The following KRAS variants were observed in gnomAD, a reference collection of about 807,000 sequenced individuals.
KRAS encodes KRas proto-oncogene, GTPase, also known as GTPase KRas.
Under a neutral mutation model 21.0 loss-of-function variants are expected in KRAS, and 1 was observed. The ratio of observed to expected loss-of-function variants is 0.05; its 90% CI spans 0.02 to 0.23. The LOEUF (loss-of-function observed/expected upper bound fraction) is 0.23, where lower values mean the gene tolerates loss of function less well. Ranked by LOEUF, KRAS falls within the 10% of genes least tolerant of loss-of-function variation. KRAS has a pLI of 1.00. For missense variants in KRAS, 107 were observed against 221.8 expected (o/e 0.48, Z 3.29); for synonymous variants, 67 against 72.5 (o/e 0.92, Z 0.39).
At chr12:25,230,828 T>TG (rs1353423357) in intron 2 of KRAS, among the ~76,000 whole-genome samples, 10 of 152,186 alleles carry the variant, frequency 6.6e-5, no homozygotes, top group African/African-American at 2.4e-4. Flanking sequence ...AAAAAAAAGA[T>TG]GGATATTTAT....
chr12:25,207,747 G>A lies in KRAS; in HGVS notation c.*2048C>T, dbSNP rs1951154176. 1 of 232,710 alleles carries A rather than the reference G, an allele frequency of 4.3e-6. No homozygotes were observed. 14.4% of individuals were successfully genotyped at this position (232,710 alleles called of 1,614,324 possible). On this transcript the variant is annotated 3_prime_UTR_variant, in exon 5 of 5. Coordinates refer to ENST00000311936, the MANE Select transcript of KRAS (RefSeq NM_004985.5). ...TCGCTAATGGATTGGGCAGCAAAGA[G>A]ATGTTCAAAGCATCAGCCACCACCT...
chr12:25,248,740 G>A (rs1425490343), intron 1 of KRAS, among the ~76,000 whole-genome samples: 2 of 151,914 alleles, frequency 1.3e-5, no homozygotes, highest in Non-Finnish European at 2.9e-5. Flanking sequence ...CCGAGAGTTA[G>A]AAAAGCTAGT....
At chr12:25,215,479 G>A (rs374681135) in intron 4 of KRAS, 9 of 1,611,328 alleles carry the variant, frequency 5.6e-6, no homozygotes, top group African/African-American at 1.3e-5. Flanking sequence ...ACACAGCCAG[G>A]AGTCTTTTCT....
chr12:25,244,973 A>C (rs1403900816), intron 2 of KRAS, among the ~76,000 whole-genome samples: 2 of 152,186 alleles, frequency 1.3e-5, no homozygotes, highest in East Asian at 3.8e-4. Context: ...AGTTACAATA[A>C]AAAGATTGTC....
Position 25,205,629 on chromosome 12 carries a change from A to AGAC in KRAS, c.*4163_*4165dup, listed in dbSNP as rs1262561979. The AGAC allele has an allele frequency of 8.9e-6, 2 of 224,018 alleles. No homozygotes were observed. The highest frequency in any genetic ancestry group is 1.8e-5 in the Non-Finnish European group (2 of 112,042). 13.9% of individuals were successfully genotyped at this position (224,018 alleles called of 1,614,324 possible). On this transcript the variant is annotated 3_prime_UTR_variant, in exon 5 of 5. Coordinates refer to ENST00000311936, the MANE Select transcript of KRAS (RefSeq NM_004985.5). ...AAAGTATTTTCAACATGAAAACACAAGACAGTGGAATTGGAAACTTTCGGA... is the reference window on the plus strand; with the variant it reads ...AAAGTATTTTCAACATGAAAACACAAGACGACAGTGGAATTGGAAACTTTCGGA...
intron 1 of KRAS, among the ~76,000 whole-genome samples, chr12:25,249,816 T>A (rs1350575201): frequency 6.6e-6 from 1 of 152,106 alleles, no homozygotes; most frequent in African/African-American, 2.4e-5. Flanking sequence ...CAAGAACAGG[T>A]AAATTAAACT....
At chr12:25,247,357 G>A (rs1340479146) in intron 1 of KRAS, among the ~76,000 whole-genome samples, 3 of 152,150 alleles carry the variant, frequency 2.0e-5, no homozygotes, top group Non-Finnish European at 4.4e-5. Flanking sequence ...AAGCACCACA[G>A]GCTAGAAAAA....
rs968250008 is a variant in KRAS, at chr12:25,208,371, A to G, written c.*1424T>C. On this transcript the variant is annotated 3_prime_UTR_variant, in exon 5 of 5. Coordinates refer to ENST00000311936, the MANE Select transcript of KRAS (RefSeq NM_004985.5). ...GTAACATTTTAAATTTATCAAAAGG[A>G]TTGTTTTTATTTTTATTTTAAAGCA... The G allele has an allele frequency of 1.3e-5, 3 of 232,856 alleles. No homozygotes were observed. The highest frequency in any genetic ancestry group is 6.6e-5 in the African/African-American group (3 of 45,256). The allele number at this position is 232,856 out of a possible 1,614,324, so 14.4% of individuals were successfully genotyped here.
rs1951166214 is a variant in KRAS at position 25,208,489 on chromosome 12, T to G, written c.*1306A>C. Reference sequence around the variant, plus strand: ...AGCCAAACCTAGAGATTGTAAAACTTTTTCACTTCATTGTTTAAAAAAAAA... The same window carrying G: ...AGCCAAACCTAGAGATTGTAAAACTGTTTCACTTCATTGTTTAAAAAAAAA... On this transcript the variant is annotated 3_prime_UTR_variant, in exon 5 of 5. Transcript: ENST00000311936. 2 of 233,170 alleles carry G rather than the reference T, an allele frequency of 8.6e-6. No individual in the cohort carries two copies. The highest frequency in any genetic ancestry group is 1.2e-4 in the East Asian group (2 of 16,444). 14.4% of individuals were successfully genotyped at this position (233,170 alleles called of 1,614,324 possible).
In KRAS at chr12:25,244,855, C is replaced by T. The variant is rs61759636; in HGVS notation, c.111+419G>A. 7.0e-3 allele frequency among the ~76,000 whole-genome samples: 1,063 copies of T among 152,132 alleles called. 7 individuals are homozygous for T. The highest frequency in any genetic ancestry group is 0.024 in the African/African-American group (989 of 41,496). On this transcript the variant is annotated intron_variant, in intron 2 of 4. Coordinates refer to ENST00000311936, the MANE Select transcript of KRAS (RefSeq NM_004985.5). ...TTGAGAAGAAGATAGGAAAATACTG[C>T]TGATGAAGTTTAAAAAAATCAACCA...
intron 2 of KRAS, among the ~76,000 whole-genome samples, chr12:25,232,925 A>G (rs1951492969): frequency 6.6e-6 from 1 of 152,324 alleles, no homozygotes; most frequent in East Asian, 1.9e-4. Context: ...ATAGCCTTTG[A>G]CATAGTAATG....
intron 4 of KRAS, among the ~76,000 whole-genome samples, chr12:25,224,426 A>G (rs988139284): frequency 6.6e-5 from 10 of 152,130 alleles, no homozygotes; most frequent in African/African-American, 2.2e-4. Flanking sequence ...AAAAAGTTTA[A>G]TAAGTAAAAA....
chr12:25,231,382 C>T (rs767316101), intron 2 of KRAS, among the ~76,000 whole-genome samples: 6 of 152,272 alleles, frequency 3.9e-5, no homozygotes, highest in African/African-American at 7.2e-5. Flanking sequence ...CGCGCCCAGC[C>T]TGTCACCTCA....
chr12:25,220,556 G>A (rs535471473), intron 4 of KRAS, among the ~76,000 whole-genome samples: 4 of 152,022 alleles, frequency 2.6e-5, no homozygotes, highest in South Asian at 2.1e-4. Flanking sequence ...GTGAAACCCC[G>A]TCTCTACTAA....
Position 25,208,038 on chromosome 12 carries a change from C to T in KRAS, c.*1757G>A, listed in dbSNP as rs2141479359. On this transcript the variant is annotated 3_prime_UTR_variant, in exon 5 of 5. Coordinates refer to ENST00000311936, the MANE Select transcript of KRAS (RefSeq NM_004985.5). ...AGAATGGATATTCAAATATAAACTT[C>T]ACCTCTTGCACAATTTTGCCCAAGA... 4.3e-6 allele frequency: 1 copy of T among 233,350 alleles called. No homozygotes were observed. The highest frequency in any genetic ancestry group is 1.8e-4 in the South Asian group (1 of 5,528). The allele number at this position is 233,350 out of a possible 1,614,324, so 14.5% of individuals were successfully genotyped here.
At chr12:25,213,818 T>C (rs938309281) in intron 4 of KRAS, among the ~76,000 whole-genome samples, 14 of 152,354 alleles carry the variant, frequency 9.2e-5, no homozygotes, top group African/African-American at 3.1e-4. Flanking sequence ...AACTTTATGA[T>C]ACCTAGTGAA....
chr12:25,228,655 T>C (rs1477274094), intron 2 of KRAS, among the ~76,000 whole-genome samples: 1 of 152,036 alleles, frequency 6.6e-6, no homozygotes, highest in Middle Eastern at 3.2e-3. Flanking sequence ...AATTCTAATT[T>C]GGGATGATAA....
chr12:25,209,139 G>A lies in KRAS; in HGVS notation c.*656C>T. 1.6e-6 allele frequency: 1 copy of A among 613,226 alleles called. No individual in the cohort carries two copies. Among genetic ancestry groups the A allele is most frequent in the East Asian group, 2.8e-5 (1 of 35,400 alleles). 38.0% of individuals were successfully genotyped at this position (613,226 alleles called of 1,614,324 possible). A position where few individuals can be genotyped will look rare whatever the true frequency, so the allele number is the denominator to read the frequency against. ...ATTTATCTAATGTGAAAAGGAAATGGCCTTATAATAGTTTCCATTGCCTTG... is the reference window on the plus strand; with the variant it reads ...ATTTATCTAATGTGAAAAGGAAATGACCTTATAATAGTTTCCATTGCCTTG... On this transcript the variant is annotated 3_prime_UTR_variant, in exon 5 of 5. Coordinates refer to ENST00000311936, the MANE Select transcript of KRAS (RefSeq NM_004985.5).
chr12:25,245,446 A>C, intron 1 of KRAS, 51 bp from the exon 2 acceptor site: 1 of 1,517,466 alleles, frequency 6.6e-7, no homozygotes, highest in South Asian at 1.2e-5. Context: ...TGTCACACAT[A>C]AGGTTAATAC....
Sources: allele counts gnomAD v4.1 joint callset (sites outside exome capture counted in the v4.1 genomes callset), GRCh38; gene constraint gnomAD v4.1.1; transcripts MANE v1.5; gene names NCBI Gene and HGNC (gene_info 2026-07-23, HGNC 2026-07-21).